QSER1: variants seen among roughly 807,000 people sequenced by gnomAD.
QSER1 encodes the protein glutamine and serine-rich protein 1.
A neutral mutation model predicts 158.5 loss-of-function variants in QSER1; 49 were observed. The observed-to-expected ratio is 0.31, with a 90% CI of 0.25 to 0.39. The LOEUF is 0.39. Ranked by LOEUF, QSER1 falls within the 10% of genes least tolerant of loss-of-function variation. The pLI, the probability that QSER1 is intolerant of heterozygous loss-of-function variation, is 1.00. For synonymous variants in QSER1, 650 were observed against 715.5 expected (o/e 0.91, Z 1.46); for missense variants, 1,754 against 2,010.3 (o/e 0.87, Z 2.44).
intron 1 of QSER1, among the ~76,000 whole-genome samples, chr11:32,902,155 G>T (rs988518801): frequency 6.6e-6 from 1 of 152,190 alleles, no homozygotes; most frequent in Non-Finnish European, 1.5e-5. Flanking sequence ...AAGGAGTCGG[G>T]CAGGCAAATT....
intron 8 of QSER1, among the ~76,000 whole-genome samples, chr11:32,964,805 A>T (rs1251281611): frequency 6.7e-6 from 1 of 149,444 alleles, no homozygotes; most frequent in Non-Finnish European, 1.5e-5. Flanking sequence ...AACGCACACT[A>T]TATACCCACA....
intron 3 of QSER1, among the ~76,000 whole-genome samples, chr11:32,929,251 A>T (rs922584813): frequency 6.6e-6 from 1 of 152,104 alleles, no homozygotes; most frequent in Non-Finnish European, 1.5e-5. Flanking sequence ...AGCTGGGATT[A>T]CAGGCATGCA....
At chr11:32,956,232 G>A (rs2133584891) in intron 7 of QSER1, 111 bp downstream of exon 7, 2 of 969,624 alleles carry the variant, frequency 2.1e-6, no homozygotes, top group East Asian at 5.2e-5. Context: ...TTATACACAA[G>A]TCAAAAAATT....
At chr11:32,902,333 G>A (rs1223369811) in intron 1 of QSER1, among the ~76,000 whole-genome samples, 2 of 152,174 alleles carry the variant, frequency 1.3e-5, no homozygotes, top group African/African-American at 4.8e-5. Flanking sequence ...TGAAACACAG[G>A]TTGCTGGGCC....
rs755326523 is a variant in QSER1, at chr11:32,933,404, G to A, written c.2146G>A (p.Asp716Asn). 1.2e-6 allele frequency: 2 copies of A among 1,613,928 alleles called. No individual in the cohort carries two copies. Among genetic ancestry groups the A allele is most frequent in the Non-Finnish European group, 1.7e-6 (2 of 1,179,940 alleles). Residue 716 changes from aspartate (D) to asparagine (N), a missense_variant, in exon 4 of 13, where the codon GAT becomes AAT. Coordinates refer to ENST00000650167, the MANE Select transcript of QSER1 (RefSeq NM_001076786.3). ...TGAGTCATCAACCCAAAGGCTATCT[G>A]ATGGAGAAATTAATGCTCAAGAATC... ...SLESSTQRLS[D>N]GEINAQESTY...
rs1009570361 is a variant in QSER1, at chr11:32,916,129, G to A, written c.210-11028G>A. Among the ~76,000 whole-genome samples the A allele has an allele frequency of 4.6e-5, 7 of 152,122 alleles. No individual in the cohort carries two copies. In the South Asian group the frequency reaches 6.2e-4, roughly 14 times the overall value. On this transcript the variant is annotated intron_variant, in intron 1 of 12. Transcript: ENST00000650167. ...TTGGTCAGGCTGGTCTCCAACTCCC[G>A]ACCTCAGGTGATCCGCCTGCCTCGG... is the stretch of plus-strand genomic sequence containing the variant.
chr11:32,940,726 T>A (rs997660357), intron 4 of QSER1, among the ~76,000 whole-genome samples: 2 of 152,168 alleles, frequency 1.3e-5, no homozygotes, highest in Non-Finnish European at 2.9e-5. Flanking sequence ...TGTAAAGTTG[T>A]CCATAGTAAT....
chr11:32,957,646 C>A (rs1443283001), intron 7 of QSER1, among the ~76,000 whole-genome samples: 1 of 151,894 alleles, frequency 6.6e-6, no homozygotes, highest in Non-Finnish European at 1.5e-5. Flanking sequence ...ACTAAAAGTC[C>A]CTTAATAACT....
chr11:32,935,214 C>T lies in QSER1; in HGVS notation c.3956C>T (p.Pro1319Leu), dbSNP rs776852137. ...GTQMVRTFCPPPLPKPSSTTP... is the reference protein window; with the variant it reads ...GTQMVRTFCPLPLPKPSSTTP... ...CAGATGGTTCGTACATTTTGTCCCC[C>T]ACCACTTCCCAAGCCTTCATCTACA... The change falls in exon 4 of 13, where the codon CCA becomes CTA. Residue 1319 changes from proline (P) to leucine (L), a missense_variant. Physicochemically the swap from Pro to Leu is moderately conservative, Grantham distance 98. Coordinates refer to ENST00000650167, the MANE Select transcript of QSER1 (RefSeq NM_001076786.3). The T allele has an allele frequency of 1.2e-6, 2 of 1,613,904 alleles. No homozygotes were observed. The highest frequency in any genetic ancestry group is 1.7e-6 in the Non-Finnish European group (2 of 1,179,864).
At chr11:32,909,549 C>T (rs1053973980) in intron 1 of QSER1, among the ~76,000 whole-genome samples, 5 of 152,066 alleles carry the variant, frequency 3.3e-5, no homozygotes, top group East Asian at 3.9e-4. Context: ...AAGCAATTCT[C>T]CTGCCTCAGC....
intron 1 of QSER1, among the ~76,000 whole-genome samples, chr11:32,925,758 C>T (rs916842095): frequency 2.0e-5 from 3 of 151,850 alleles, no homozygotes; most frequent in Non-Finnish European, 4.4e-5. Flanking sequence ...AAACTCCTGA[C>T]CTCAAGTGAT....
At chr11:32,939,199 T>G (rs1852195270) in intron 4 of QSER1, among the ~76,000 whole-genome samples, 1 of 152,174 alleles carries the variant, frequency 6.6e-6, no homozygotes, top group Admixed American at 6.5e-5. Flanking sequence ...TTTTTCAAAA[T>G]GAAGGCCAAA....
At position 32,934,967 on chromosome 11, in the gene QSER1, G is replaced by A. The variant is rs1852123397; in HGVS notation, c.3709G>A (p.Asp1237Asn). ...QGKRQNPRGT[D>N]IYLPYTPPSS... Reference sequence around the variant, plus strand: ...CAAACGCCAGAATCCAAGGGGAACAGATATTTACTTACCGTATACTCCTCC... The same window carrying A: ...CAAACGCCAGAATCCAAGGGGAACAAATATTTACTTACCGTATACTCCTCC... The change falls in exon 4 of 13, where the codon GAT becomes AAT. Residue 1237 changes from aspartate to asparagine, a missense_variant. Around this residue, in one of 2 missense-constraint regions of QSER1, gnomAD observed 1,707 missense variants for 1,919.6 expected, o/e 0.89. Transcript: ENST00000650167. 6.2e-7 allele frequency: 1 copy of A among 1,614,134 alleles called. No homozygotes were observed. Among genetic ancestry groups the A allele is most frequent in the Non-Finnish European group, 8.5e-7 (1 of 1,180,024 alleles).
chr11:32,967,522 G>C (rs1006574580), intron 9 of QSER1, among the ~76,000 whole-genome samples: 13 of 152,134 alleles, frequency 8.5e-5, no homozygotes, highest in African/African-American at 3.1e-4. Flanking sequence ...GGTACAGTAA[G>C]AATATGGCAT....
At chr11:32,936,538 T>G (rs1328387847) in intron 4 of QSER1, among the ~76,000 whole-genome samples, 4 of 152,200 alleles carry the variant, frequency 2.6e-5, no homozygotes, top group Admixed American at 2.6e-4. Context: ...GAAAAATTTA[T>G]TTGTAACAAT....
At chr11:32,975,574 G>C (rs1339119100) in intron 12 of QSER1, 1 of 1,345,332 alleles carries the variant, frequency 7.4e-7, no homozygotes, top group Admixed American at 2.7e-5. Context: ...AATTGGTAAT[G>C]TTTTGAAGCT....
chr11:32,972,797 C>A (rs1852892544), intron 10 of QSER1, among the ~76,000 whole-genome samples: 1 of 152,082 alleles, frequency 6.6e-6, no homozygotes, highest in African/African-American at 2.4e-5. Context: ...GTCAAAAAAC[C>A]CATCATGCTC....
chr11:32,908,835 C>T (rs1475129353), intron 1 of QSER1, among the ~76,000 whole-genome samples: 1 of 152,130 alleles, frequency 6.6e-6, no homozygotes, highest in East Asian at 1.9e-4. Flanking sequence ...TTTTTCTCCC[C>T]TAAAGTGGTT....
chr11:32,931,500 C>T (rs1852045438), intron 3 of QSER1, among the ~76,000 whole-genome samples: 1 of 151,662 alleles, frequency 6.6e-6, no homozygotes, highest in African/African-American at 2.4e-5. Flanking sequence ...GAGCTATGAT[C>T]GCAAGACTGC....
Sources: allele counts gnomAD v4.1 joint callset (sites outside exome capture counted in the v4.1 genomes callset), GRCh38; gene constraint gnomAD v4.1.1; regional missense constraint gnomAD v4.1.1; transcripts MANE v1.5; gene names NCBI Gene and HGNC (gene_info 2026-07-23, HGNC 2026-07-21).